The following NEGR1 variants were observed in gnomAD, a reference collection of about 807,000 sequenced individuals.
NEGR1 encodes the protein IgLON family member 4.
NEGR1 carries 10 observed loss-of-function variants against 40.9 expected under a neutral mutation model. The observed-to-expected ratio is 0.24, with a 90% confidence interval of 0.15 to 0.42. NEGR1 has a LOEUF of 0.42. Ranked by LOEUF, NEGR1 falls within the 10% of genes least tolerant of loss-of-function variation. The probability of loss-of-function intolerance (pLI) is 1.00; values close to 1 mark genes in which losing one functional copy is unlikely to be tolerated. For synonymous variants in NEGR1, 185 were observed against 166.8 expected, an observed-to-expected ratio of 1.11 and a Z score of -0.84; for missense variants, 352 against 438.9, an observed-to-expected ratio of 0.80 and a Z score of 1.77.
chr1:72,054,993 A>G (rs1235795754), intron 1 of NEGR1, among the ~76,000 whole-genome samples: 1 of 151,138 alleles, frequency 6.6e-6, no homozygotes, highest in Non-Finnish European at 1.5e-5. Flanking sequence ...GAATAATAAT[A>G]TTAACACTTA....
Position 71,705,918 on chromosome 1 carries a change from A to G in NEGR1, c.536-7779T>C, listed in dbSNP as rs572256855. Among the ~76,000 whole-genome samples the G allele has an allele frequency of 2.5e-3, 355 of 143,504 alleles. 1 individual carries two copies. Among genetic ancestry groups the G allele is most frequent in the Admixed American group, 5.1e-3 (71 of 13,866 alleles). 94.1% of individuals were successfully genotyped at this position (143,504 alleles called of 152,430 possible). A position where few individuals can be genotyped will look rare whatever the true frequency, so the allele number is the denominator to read the frequency against. ...AGCCAGAAGGCAAGAGCAGACCAAG[A>G]CAGCAGAATAGAAAGCTCCAGGCAT... On this transcript the variant is annotated intron_variant, in intron 3 of 6. Transcript: ENST00000357731.
chr1:71,759,609 TTTTTTTTTTTTTTTTTTTG>T (rs1426808942), intron 3 of NEGR1, among the ~76,000 whole-genome samples: 4 of 97,366 alleles, frequency 4.1e-5, no homozygotes, highest in African/African-American at 1.9e-4. Context: ...TTTTTTTTTT[TTTTTTTTTTTTTTTTTTTG>T]AGACGGAGTC....
At chr1:72,242,303 A>C (rs1043696643) in intron 1 of NEGR1, among the ~76,000 whole-genome samples, 4 of 151,758 alleles carry the variant, frequency 2.6e-5, no homozygotes, top group Non-Finnish European at 4.4e-5. Context: ...AAATTAAGCT[A>C]TAAAAAATTT....
chr1:71,773,740 T>C (rs1423618994), intron 3 of NEGR1, among the ~76,000 whole-genome samples: 1 of 152,210 alleles, frequency 6.6e-6, no homozygotes, highest in Non-Finnish European at 1.5e-5. Flanking sequence ...TTTACTCATT[T>C]GCTCAGTATG....
At chr1:71,629,844 T>C (rs969038592) in intron 4 of NEGR1, among the ~76,000 whole-genome samples, 4 of 151,948 alleles carry the variant, frequency 2.6e-5, no homozygotes, top group Admixed American at 2.0e-4. Context: ...TAAGTTAGAA[T>C]TTAATGTGGA....
intron 6 of NEGR1, among the ~76,000 whole-genome samples, chr1:71,509,174 T>C (rs775270921): frequency 2.6e-5 from 4 of 152,218 alleles, no homozygotes; most frequent in Non-Finnish European, 5.9e-5. Flanking sequence ...TGCTGTGAGA[T>C]GACCTCAGCC....
chr1:71,829,464 A>T (rs1293585001), intron 2 of NEGR1, among the ~76,000 whole-genome samples: 1 of 151,864 alleles, frequency 6.6e-6, no homozygotes, highest in East Asian at 1.9e-4. Flanking sequence ...GTTCTGATAT[A>T]TAATCAGAGC....
chr1:71,853,240 G>T (rs543810699), intron 2 of NEGR1, among the ~76,000 whole-genome samples: 1 of 151,760 alleles, frequency 6.6e-6, no homozygotes, highest in Non-Finnish European at 1.5e-5. Flanking sequence ...TGAGAATGTT[G>T]GTATATTTTT....
chr1:71,621,581 T>G (rs940083202), intron 4 of NEGR1, among the ~76,000 whole-genome samples: 1 of 151,570 alleles, frequency 6.6e-6, no homozygotes, highest in Admixed American at 6.6e-5. Flanking sequence ...TCCCTTATGT[T>G]TGAAAAGGTA....
chr1:71,737,901 G>A (rs565008388), intron 3 of NEGR1, among the ~76,000 whole-genome samples: 20 of 152,088 alleles, frequency 1.3e-4, no homozygotes, highest in Non-Finnish European at 2.4e-4. Context: ...TAGTCCTCAC[G>A]GGTGGCAGGA....
chr1:71,906,582 TAC>T (rs1300598439), intron 2 of NEGR1, among the ~76,000 whole-genome samples: 9 of 152,086 alleles, frequency 5.9e-5, no homozygotes, highest in African/African-American at 2.2e-4. Flanking sequence ...TCTTTTTAGG[TAC>T]AGAGTCATTT....
intron 6 of NEGR1, among the ~76,000 whole-genome samples, chr1:71,495,477 G>A (rs538097413): frequency 0.034 from 3,222 of 95,348 alleles, 52 homozygotes; most frequent in Admixed American, 0.047. Context: ...ACTCCATCTC[G>A]GAAAAAAAAA....
At chr1:71,900,673 T>C (rs1477376379) in intron 2 of NEGR1, among the ~76,000 whole-genome samples, 12 of 152,160 alleles carry the variant, frequency 7.9e-5, no homozygotes, top group Non-Finnish European at 1.5e-4. Context: ...TTAATAACTT[T>C]TAAGAGGAAA....
chr1:72,278,308 A>G (rs567400247), intron 1 of NEGR1, among the ~76,000 whole-genome samples: 12 of 152,278 alleles, frequency 7.9e-5, no homozygotes, highest in Non-Finnish European at 1.0e-4. Context: ...TTTTGAATTC[A>G]TATCAGAAAG....
intron 2 of NEGR1, among the ~76,000 whole-genome samples, chr1:71,807,054 G>A (rs1376433609): frequency 1.1e-4 from 16 of 151,786 alleles, no homozygotes; most frequent in Middle Eastern, 6.8e-3. Context: ...CACAATGCCC[G>A]GCTAATTTTT....
At chr1:72,037,843 GCCAGGTCGCTTATTTTTATTTGCA>G (rs1256391189) in intron 1 of NEGR1, among the ~76,000 whole-genome samples, 3 of 151,906 alleles carry the variant, frequency 2.0e-5, no homozygotes, top group Admixed American at 2.0e-4. Context: ...TATACTATTA[GCCAGGTCGCTTATTTTTATTTGCA>G]CCATGAACCA....
chr1:71,788,883 G>A (rs562794338), intron 2 of NEGR1, among the ~76,000 whole-genome samples: 39 of 152,178 alleles, frequency 2.6e-4, no homozygotes, highest in Admixed American at 1.1e-3. Flanking sequence ...GATTTAACAT[G>A]TAATAAAAGA....
At position 71,491,590 on chromosome 1, in the gene NEGR1, T is replaced by TA. The variant is rs397712365; in HGVS notation, c.941-84021dup. The stretch of plus-strand genomic sequence containing the variant: ...CTCAGGGCTTGACTTTTTTTTTTTT[T>TA]AAATGAAAATATGACCTCACAGCAG... On this transcript the variant is annotated intron_variant, in intron 6 of 6. Coordinates refer to ENST00000357731, the MANE Select transcript of NEGR1 (RefSeq NM_173808.3). Among the ~76,000 whole-genome samples, 24 of 151,350 alleles carry TA rather than the reference T, an allele frequency of 1.6e-4. No individual in the cohort carries two copies. In the East Asian group the frequency reaches 2.7e-3, roughly 17 times the overall value.
chr1:71,972,079 A>G (rs958591933), intron 1 of NEGR1, among the ~76,000 whole-genome samples: 53 of 152,330 alleles, frequency 3.5e-4, no homozygotes, highest in African/African-American at 9.4e-4. Context: ...CAGTGTAGTA[A>G]TCACTTGGAG....
Sources: allele counts gnomAD v4.1 joint callset (sites outside exome capture counted in the v4.1 genomes callset), GRCh38; gene constraint gnomAD v4.1.1; transcripts MANE v1.5; gene names NCBI Gene and HGNC (gene_info 2026-07-23, HGNC 2026-07-21).